Variants in DIXDC1 observed in about 807,000 individuals in gnomAD.
DIXDC1 encodes the protein DIX domain containing 1, also known as dixin.
In DIXDC1, 64 loss-of-function variants were observed where a neutral mutation model predicts 103.1. The ratio of observed to expected loss-of-function variants is 0.62; its 90% CI spans 0.51 to 0.76. The LOEUF (loss-of-function observed/expected upper bound fraction) is 0.76, where lower values mean the gene tolerates loss of function less well. Ranked by LOEUF, DIXDC1 falls within the 30% of genes least tolerant of loss-of-function variation. The pLI, the probability that DIXDC1 is intolerant of heterozygous loss-of-function variation, is 0.00. For missense variants in DIXDC1, 759 were observed against 834.2 expected (o/e 0.91, Z 1.11); for synonymous variants, 266 against 298.5 (o/e 0.89, Z 1.12).
chr11:111,982,522 C>G, intron 7 of DIXDC1, 35 bp downstream of exon 7: 1 of 1,599,784 alleles, frequency 6.3e-7, no homozygotes, highest in East Asian at 2.2e-5. Flanking sequence ...CCTTGTTATA[C>G]CAATTGATTA....
chr11:111,974,378 G>C, intron 4 of DIXDC1, 124 bp downstream of exon 4: 1 of 924,352 alleles, frequency 1.1e-6, no homozygotes, highest in South Asian at 1.8e-5. Context: ...AGAACATGGA[G>C]TGGGGAGGTA....
Position 111,929,845 on chromosome 11 carries a change from C to T in DIXDC1, c.-9C>T. 7 of 1,535,220 alleles carry T rather than the reference C, an allele frequency of 4.6e-6. No individual in the cohort carries two copies. In the East Asian group the frequency reaches 1.7e-4, roughly 38 times the overall value. ...GGCCCTGATTCGTCTCTTCTAGGGA[C>T]TCTTGAAGATGGGGACCCAAGTGGT... On this transcript the variant is annotated 5_prime_UTR_variant, in exon 2 of 6. Coordinates refer to the DIXDC1 transcript ENST00000529225.
rs1218873326 is a variant in DIXDC1, at chr11:112,017,090, T to A, written c.1862+294T>A. Reference sequence around the variant, plus strand: ...TTGGGAAAATCTTTTTTTTTTTTTTTAAGTGTTCAAAATAGCTCCTGCTGA... The same window carrying A: ...TTGGGAAAATCTTTTTTTTTTTTTTAAAGTGTTCAAAATAGCTCCTGCTGA... On this transcript the variant is annotated intron_variant, in intron 18 of 19. Transcript: ENST00000440460. This position sits in a 1 kb window ranked among gnomAD's most constrained non-coding sequence, Gnocchi z 4.0. 6.6e-6 allele frequency among the ~76,000 whole-genome samples: 1 copy of A among 151,718 alleles called. No individual in the cohort carries two copies.
At chr11:112,003,496 C>T (rs781980359) in intron 17 of DIXDC1, among the ~76,000 whole-genome samples, 3 of 151,326 alleles carry the variant, frequency 2.0e-5, no homozygotes, top group Admixed American at 1.3e-4. Context: ...GATGTTTTAA[C>T]GTAAAGAAAA....
At chr11:111,943,277 G>A (rs2137449370) in intron 1 of DIXDC1, among the ~76,000 whole-genome samples, 1 of 152,094 alleles carries the variant, frequency 6.6e-6, no homozygotes, top group East Asian at 1.9e-4. Context: ...CCCAGTAGCT[G>A]GGACTATAGG....
Position 111,977,160 on chromosome 11 carries a change from C to A in DIXDC1, c.656+2177C>A. 1.4e-6 allele frequency: 1 copy of A among 711,592 alleles called. No homozygotes were observed. The highest frequency in any genetic ancestry group is 1.7e-6 in the Non-Finnish European group (1 of 579,406). The allele number at this position is 711,592 out of a possible 1,614,324, so 44.1% of individuals were successfully genotyped here. A position where few individuals can be genotyped will look rare whatever the true frequency, so the allele number is the denominator to read the frequency against. ...CCCTCGTCGACGTCCCCACCCCCAC[C>A]TCCACCCCGCCCAGCCCCGCCCCTG... On this transcript the variant is annotated intron_variant, in intron 5 of 19. Coordinates refer to ENST00000440460, the MANE Select transcript of DIXDC1 (RefSeq NM_001037954.4). The surrounding 1 kb of genome is among the most constrained non-coding windows in gnomAD (Gnocchi z 6.1).
At chr11:111,939,567 C>T (rs1966349232) in intron 1 of DIXDC1, among the ~76,000 whole-genome samples, 2 of 152,178 alleles carry the variant, frequency 1.3e-5, no homozygotes, top group Non-Finnish European at 2.9e-5. Context: ...TAGATTTGAA[C>T]TCTGACAGCC....
In DIXDC1 at chr11:111,968,630, C is replaced by A. The variant is rs782795876; in HGVS notation, c.308C>A (p.Ser103Ter). The A allele has an allele frequency of 1.2e-6, 2 of 1,607,976 alleles. No individual in the cohort carries two copies. Among genetic ancestry groups the A allele is most frequent in the Non-Finnish European group, 1.7e-6 (2 of 1,177,066 alleles). Residue 103 changes from serine (S) to a stop codon, truncating the protein, a stop_gained, in exon 3 of 20, where the codon TCG (serine) becomes TAG (stop). Transcript: ENST00000440460. LOFTEE classifies it high-confidence loss of function. Reference protein sequence around the residue: ...ASKKIRMHQTSAKDIVDGNLK... With the variant: ...ASKKIRMHQT ...AAAAAGATTCGTATGCACCAGACTT[C>A]GGCTAAAGGTCAGTGCCTCATCACA... is the stretch of plus-strand genomic sequence containing the variant.
intron 10 of DIXDC1, among the ~76,000 whole-genome samples, chr11:111,991,112 G>A (rs187214512): frequency 6.6e-5 from 10 of 152,300 alleles, no homozygotes; most frequent in Admixed American, 4.6e-4. Context: ...TTGCACATCC[G>A]TTCATGGGCT....
chr11:111,960,473 A>G (rs1344310994), intron 1 of DIXDC1, among the ~76,000 whole-genome samples: 2 of 151,522 alleles, frequency 1.3e-5, no homozygotes, highest in East Asian at 3.9e-4. Flanking sequence ...TGGCGCCTGT[A>G]ATCCCAGCTT....
At chr11:111,971,274 G>A (rs1248925822) in intron 3 of DIXDC1, among the ~76,000 whole-genome samples, 1 of 152,006 alleles carries the variant, frequency 6.6e-6, no homozygotes, top group African/African-American at 2.4e-5. Context: ...TAAATAACAA[G>A]CAAAAACAAA....
At chr11:111,951,891 A>T (rs1191082584) in intron 1 of DIXDC1, among the ~76,000 whole-genome samples, 4 of 139,758 alleles carry the variant, frequency 2.9e-5, no homozygotes, top group African/African-American at 8.1e-5. Context: ...TTTGTGATGG[A>T]GTCTCACTCT....
chr11:111,974,374 T>C (rs80062744), intron 4 of DIXDC1, 120 bp downstream of exon 4: 6 of 960,108 alleles, frequency 6.2e-6, no homozygotes, highest in Non-Finnish European at 3.0e-6. Flanking sequence ...GAAAAGAACA[T>C]GGAGTGGGGA....
intron 17 of DIXDC1, among the ~76,000 whole-genome samples, chr11:112,004,066 GTA>G (rs1176429824): frequency 1.4e-5 from 2 of 145,116 alleles, no homozygotes; most frequent in Non-Finnish European, 3.0e-5. Context: ...ATATATATGT[GTA>G]TATATATGTG....
Position 111,976,163 on chromosome 11 carries a change from C to A in DIXDC1, c.656+1180C>A, listed in dbSNP as rs1415177081. On this transcript the variant is annotated intron_variant, in intron 5 of 19. Transcript: ENST00000440460. This position sits in a 1 kb window ranked among gnomAD's most constrained non-coding sequence, Gnocchi z 4.3. ...TCCTTGCTTGCTGCTTAGGTTATCA[C>A]CTGGAGCGGAATTACAGGATGTTTT... Among the ~76,000 whole-genome samples, 1 of 152,174 alleles carries A rather than the reference C, an allele frequency of 6.6e-6. No homozygotes were observed. The highest frequency in any genetic ancestry group is 1.5e-5 in the Non-Finnish European group (1 of 68,032).
In DIXDC1 at chr11:111,993,677, A is replaced by G. The variant is rs1555174880; in HGVS notation, c.1374A>G (p.Leu458=). ...TAGTGTCTATTTTGCAGGTGGATCT[A>G]GAGCGAGAGCTAGAACACAAAGATG... ...LSDVSYHQVD[L]ERELEHKDVL... is the part of the protein sequence containing the mutation. The change falls in exon 14 of 20, where the codon CTA becomes CTG. Residue 458 remains leucine (L), a synonymous_variant. Coordinates refer to ENST00000440460, the MANE Select transcript of DIXDC1 (RefSeq NM_001037954.4). 1 of 1,614,098 alleles carries G rather than the reference A, an allele frequency of 6.2e-7. No homozygotes were observed. The highest frequency in any genetic ancestry group is 8.5e-7 in the Non-Finnish European group (1 of 1,179,906).
intron 17 of DIXDC1, among the ~76,000 whole-genome samples, chr11:112,006,946 A>T (rs1861257193): frequency 6.6e-6 from 1 of 152,214 alleles, no homozygotes; most frequent in Admixed American, 6.5e-5. Flanking sequence ...ACAAAGTTGG[A>T]CGGAGAATGA....
chr11:111,995,228 G>A, intron 15 of DIXDC1, 120 bp downstream of exon 15: 1 of 1,336,430 alleles, frequency 7.5e-7, no homozygotes, highest in Non-Finnish European at 1.0e-6. Context: ...TGGATCTGTG[G>A]AGTGTGTAAA....
chr11:111,960,368 G>A (rs587670791), intron 1 of DIXDC1, among the ~76,000 whole-genome samples: 1 of 151,308 alleles, frequency 6.6e-6, no homozygotes, highest in Admixed American at 6.6e-5. Context: ...GGCCGAGGTG[G>A]GTGGTTCACA....
Sources: gnomAD v4.1 joint callset for allele counts (sites outside exome capture counted in the v4.1 genomes callset) on GRCh38, gnomAD v4.1.1 for gene constraint, Gnocchi (gnomAD v3.1) non-coding constraint, MANE v1.5 for transcripts, NCBI Gene and HGNC (gene_info 2026-07-23, HGNC 2026-07-21) for gene names.